The following ESR1 variants were observed in gnomAD, a reference collection of about 807,000 sequenced individuals.
ESR1 encodes the protein estrogen receptor.
In ESR1, 12 loss-of-function variants were observed where a neutral mutation model predicts 52.7. The observed-to-expected ratio is 0.23, with a 90% CI of 0.15 to 0.37. ESR1 has a LOEUF of 0.37. Ranked by LOEUF, ESR1 falls within the 10% of genes least tolerant of loss-of-function variation. ESR1 has a pLI of 1.00. For synonymous variants in ESR1, 305 were observed against 316.8 expected (o/e 0.96, Z 0.39); for missense variants, 584 against 779.7 (o/e 0.75, Z 2.99).
chr6:151,674,737 G>A (rs545852192), intron 1 of ESR1, among the ~76,000 whole-genome samples: 14 of 152,212 alleles, frequency 9.2e-5, no homozygotes, highest in Admixed American at 8.5e-4. Context: ...GGCGTGAGAC[G>A]GTATTTCATT....
intron 3 of ESR1, among the ~76,000 whole-genome samples, chr6:151,881,005 A>G (rs1429344742): frequency 6.6e-6 from 1 of 152,240 alleles, no homozygotes; most frequent in Non-Finnish European, 1.5e-5. Context: ...TGGATTTTCA[A>G]TGTAAATAAT....
intron 5 of ESR1, among the ~76,000 whole-genome samples, chr6:152,023,259 C>T (rs1459478985): frequency 6.6e-6 from 1 of 152,128 alleles, no homozygotes; most frequent in Non-Finnish European, 1.5e-5. Flanking sequence ...CAGTGGGGCT[C>T]TAGTTCTTGA....
intron 1 of ESR1, among the ~76,000 whole-genome samples, chr6:151,692,804 C>A (rs184185062): frequency 6.6e-6 from 1 of 152,186 alleles, no homozygotes; most frequent in African/African-American, 2.4e-5. Flanking sequence ...TTTTATCGTT[C>A]TATCTAAGGC....
At chr6:151,658,775 T>C (rs1777540046) in intron 1 of ESR1, among the ~76,000 whole-genome samples, 1 of 152,166 alleles carries the variant, frequency 6.6e-6, no homozygotes, top group Non-Finnish European at 1.5e-5. Context: ...TCCACACACC[T>C]GAGGGAAGAG....
intron 1 of ESR1, among the ~76,000 whole-genome samples, chr6:151,669,189 A>AGAGAGGGAGC (rs774737323): frequency 1.5e-4 from 13 of 87,162 alleles, no homozygotes; most frequent in South Asian, 4.7e-4. Flanking sequence ...AGAGAGAGAG[A>AGAGAGGGAGC]TGGGAATCCA....
intron 6 of ESR1, among the ~76,000 whole-genome samples, chr6:152,120,747 C>CT (rs2051302910): frequency 6.6e-6 from 1 of 152,232 alleles, no homozygotes; most frequent in African/African-American, 2.4e-5. Flanking sequence ...ACTAGGAGGT[C>CT]TGAAGCAAGC....
At chr6:151,966,443 T>C (rs142042629) in intron 4 of ESR1, among the ~76,000 whole-genome samples, 4 of 152,296 alleles carry the variant, frequency 2.6e-5, no homozygotes, top group African/African-American at 9.6e-5. Context: ...TGAAATTTTT[T>C]GTTATGTTTT....
intron 6 of ESR1, among the ~76,000 whole-genome samples, chr6:152,077,216 G>A (rs2048811926): frequency 7.2e-6 from 1 of 139,074 alleles, no homozygotes; most frequent in African/African-American, 2.9e-5. Context: ...AGGTACCACG[G>A]TTTCAGAGGT....
At chr6:151,971,959 C>T (rs183160069) in intron 4 of ESR1, among the ~76,000 whole-genome samples, 63 of 151,852 alleles carry the variant, frequency 4.1e-4, no homozygotes, top group Admixed American at 3.3e-3. Flanking sequence ...CAATTAGAAA[C>T]GAAACAGGAG....
chr6:151,916,907 T>G (rs1318058612), intron 3 of ESR1, among the ~76,000 whole-genome samples: 1 of 152,228 alleles, frequency 6.6e-6, no homozygotes, highest in Non-Finnish European at 1.5e-5. Context: ...TGAATATCCC[T>G]TTTTAAGTCT....
intron 5 of ESR1, among the ~76,000 whole-genome samples, chr6:152,032,084 T>G (rs200543361): frequency 0.044 from 6,624 of 152,204 alleles, 223 homozygotes; most frequent in East Asian, 0.14. Flanking sequence ...TTGACAAAAT[T>G]CAACAACCCT....
At chr6:151,718,733 T>C (rs1781236004) in intron 2 of ESR1, among the ~76,000 whole-genome samples, 1 of 152,214 alleles carries the variant, frequency 6.6e-6, no homozygotes, top group Non-Finnish European at 1.5e-5. Flanking sequence ...TTAGTTTCAA[T>C]TTCATCAAGG....
intron 3 of ESR1, among the ~76,000 whole-genome samples, chr6:151,918,081 G>C (rs2030723674): frequency 6.6e-6 from 1 of 152,212 alleles, no homozygotes; most frequent in South Asian, 2.1e-4. Flanking sequence ...GGCTTGGGCT[G>C]TTGTAAACTT....
chr6:151,840,189 A>G (rs1192988311), intron 1 of ESR1, among the ~76,000 whole-genome samples: 2 of 152,206 alleles, frequency 1.3e-5, no homozygotes, highest in Non-Finnish European at 2.9e-5. Flanking sequence ...CTTGCTAAAT[A>G]TCTACTCCCA....
At chr6:152,018,951 G>A (rs990864757) in intron 5 of ESR1, among the ~76,000 whole-genome samples, 1 of 152,164 alleles carries the variant, frequency 6.6e-6, no homozygotes, top group Admixed American at 6.5e-5. Context: ...ATAGGAAAGA[G>A]TTTTGCTAGT....
chr6:151,728,168 G>A (rs1047741275), intron 2 of ESR1, among the ~76,000 whole-genome samples: 1 of 152,112 alleles, frequency 6.6e-6, no homozygotes, highest in Non-Finnish European at 1.5e-5. Flanking sequence ...TATGTGGCAG[G>A]GGACCTTAGC....
intron 2 of ESR1, among the ~76,000 whole-genome samples, chr6:151,757,476 C>G (rs181441165): frequency 2.4e-4 from 36 of 152,302 alleles, no homozygotes; most frequent in Non-Finnish European, 4.1e-4. Context: ...TGGCTGAAAG[C>G]AAGACCCTGA....
intron 2 of ESR1, among the ~76,000 whole-genome samples, chr6:151,724,650 C>T (rs982177620): frequency 5.9e-5 from 9 of 152,050 alleles, no homozygotes; most frequent in Non-Finnish European, 8.8e-5. Flanking sequence ...TGAAGAACAT[C>T]TTGTATCTCT....
chr6:152,024,282 G>A (rs944131130), intron 5 of ESR1, among the ~76,000 whole-genome samples: 6 of 152,190 alleles, frequency 3.9e-5, no homozygotes, highest in Admixed American at 2.0e-4. Flanking sequence ...TATAGAAGGT[G>A]CACATTGTTT....
Sources: allele counts gnomAD v4.1 joint callset (sites outside exome capture counted in the v4.1 genomes callset), GRCh38; gene constraint gnomAD v4.1.1; transcripts MANE v1.5; gene names NCBI Gene and HGNC (gene_info 2026-07-23, HGNC 2026-07-21).